Variants in MIR2052HG observed in about 807,000 individuals in gnomAD.
MIR2052HG encodes MIR2052 host gene.
chr8:74,687,457 A>G (rs1393206748), intron 2 of MIR2052HG, among the ~76,000 whole-genome samples: 1 of 152,174 alleles, frequency 6.6e-6, no homozygotes, highest in East Asian at 1.9e-4. Flanking sequence ...GTGTCCAGTG[A>G]CAGATGAATA....
chr8:74,754,975 T>A (rs1809984743), intron 5 of MIR2052HG, among the ~76,000 whole-genome samples: 1 of 152,198 alleles, frequency 6.6e-6, no homozygotes, highest in Non-Finnish European at 1.5e-5. Context: ...GTACGACATG[T>A]TGTGATTACT....
intron 2 of MIR2052HG, among the ~76,000 whole-genome samples, chr8:74,639,519 T>C (rs1340758852): frequency 6.6e-6 from 1 of 152,192 alleles, no homozygotes; most frequent in Non-Finnish European, 1.5e-5. Context: ...ATAGAGTTAT[T>C]ATTTATCTTT....
At chr8:74,648,140 G>A (rs1195456867) in intron 2 of MIR2052HG, among the ~76,000 whole-genome samples, 2 of 152,180 alleles carry the variant, frequency 1.3e-5, no homozygotes, top group Non-Finnish European at 2.9e-5. Context: ...GCTATAGACA[G>A]ATATGTGAGT....
At chr8:74,660,492 A>G in intron 2 of MIR2052HG, among the ~76,000 whole-genome samples, 1 of 152,238 alleles carries the variant, frequency 6.6e-6, no homozygotes, top group Admixed American at 6.5e-5. Context: ...TCAGTGTGCT[A>G]AACACATACT....
Position 74,604,583 on chromosome 8 carries a change from C to CTTTTTTT in MIR2052HG, n.128+4694_128+4700dup, listed in dbSNP as rs35641908. 1.0e-3 allele frequency among the ~76,000 whole-genome samples: 50 copies of CTTTTTTT among 50,006 alleles called. 8 individuals are homozygous for CTTTTTTT. The highest frequency in any genetic ancestry group is 2.1e-3 in the African/African-American group (23 of 11,082). 32.8% of individuals were successfully genotyped at this position (50,006 alleles called of 152,430 possible). ...GCTCTGGGCCGGCCTTGTTTCTTTA[C>CTTTTTTT]TTTTTTTTTTTTTTTTTTTTTTTTT... On this transcript the variant is annotated intron_variant and non_coding_transcript_variant, in intron 1 of 6. Coordinates refer to ENST00000523442, the Ensembl canonical transcript of MIR2052HG.
intron 2 of MIR2052HG, among the ~76,000 whole-genome samples, chr8:74,689,050 GT>G (rs1809212829): frequency 6.6e-6 from 1 of 152,142 alleles, no homozygotes; most frequent in Non-Finnish European, 1.5e-5. Flanking sequence ...GTAAGTGAGA[GT>G]TTTGCTTTTC....
intron 2 of MIR2052HG, among the ~76,000 whole-genome samples, chr8:74,675,673 G>A (rs1350686749): frequency 6.6e-6 from 1 of 151,950 alleles, no homozygotes; most frequent in East Asian, 1.9e-4. Context: ...AAGAATGACA[G>A]TTAAGGTATC....
chr8:74,614,327 G>T (rs971250304), intron 2 of MIR2052HG, among the ~76,000 whole-genome samples: 3 of 151,892 alleles, frequency 2.0e-5, no homozygotes, highest in African/African-American at 7.3e-5. Context: ...TGATCTTTTT[G>T]TCTTTTTTCT....
intron 2 of MIR2052HG, among the ~76,000 whole-genome samples, chr8:74,666,648 C>G (rs879574145): frequency 6.6e-5 from 10 of 152,016 alleles, no homozygotes; most frequent in Non-Finnish European, 1.2e-4. Context: ...AAGTAAATGC[C>G]CAGCATTCTG....
chr8:74,717,976 GT>G (rs1462824661), intron 4 of MIR2052HG, among the ~76,000 whole-genome samples: 1 of 151,926 alleles, frequency 6.6e-6, no homozygotes, highest in Non-Finnish European at 1.5e-5. Flanking sequence ...ATCTTAAAAT[GT>G]TTTCTGCTTC....
At chr8:74,651,616 A>T (rs558067191) in intron 2 of MIR2052HG, among the ~76,000 whole-genome samples, 1 of 152,276 alleles carries the variant, frequency 6.6e-6, no homozygotes, top group East Asian at 1.9e-4. Context: ...TGGTATGGAG[A>T]AATTATTTCT....
rs543924402 is a variant in MIR2052HG at position 74,615,718 on chromosome 8, G to A, written n.216+2778G>A. Among the ~76,000 whole-genome samples, 472 of 151,596 alleles carry A rather than the reference G, an allele frequency of 3.1e-3. 3 individuals carry two copies. Among genetic ancestry groups the A allele is most frequent in the African/African-American group, 0.01 (433 of 41,296 alleles). On this transcript the variant is annotated intron_variant and non_coding_transcript_variant, in intron 2 of 6. Coordinates refer to ENST00000523442, the Ensembl canonical transcript of MIR2052HG. The stretch of plus-strand genomic sequence containing the variant: ...GTTGGTGTGCTGCACCCATTAACTC[G>A]TCATTTAACATTAGGTATATCCCCT...
At chr8:74,643,694 T>C (rs2128735475) in intron 2 of MIR2052HG, among the ~76,000 whole-genome samples, 1 of 152,234 alleles carries the variant, frequency 6.6e-6, no homozygotes, top group Admixed American at 6.5e-5. Flanking sequence ...TTAGAAGCAT[T>C]TTTTTTAAAC....
At chr8:74,621,615 C>T (rs538180485) in intron 2 of MIR2052HG, among the ~76,000 whole-genome samples, 2 of 152,120 alleles carry the variant, frequency 1.3e-5, no homozygotes, top group East Asian at 3.8e-4. Flanking sequence ...GAGACTCACT[C>T]ATTAACAGCA....
chr8:74,612,997 A>G, intron 2 of MIR2052HG: 1 of 450,594 alleles, frequency 2.2e-6, no homozygotes, highest in South Asian at 1.6e-5. Context: ...ATGATAATGG[A>G]CAAACAGCTG....
At chr8:74,745,016 G>C (rs1809869577) in intron 4 of MIR2052HG, among the ~76,000 whole-genome samples, 1 of 152,130 alleles carries the variant, frequency 6.6e-6, no homozygotes, top group South Asian at 2.1e-4. Flanking sequence ...TGTAATCTCA[G>C]CACTGTGAGA....
chr8:74,664,764 C>T (rs1808904287), intron 2 of MIR2052HG, among the ~76,000 whole-genome samples: 1 of 152,162 alleles, frequency 6.6e-6, no homozygotes, highest in Admixed American at 6.5e-5. Flanking sequence ...GTGATTCGCC[C>T]ACCTCAGCCT....
chr8:74,676,604 A>AG, intron 2 of MIR2052HG, among the ~76,000 whole-genome samples: 1 of 152,014 alleles, frequency 6.6e-6, no homozygotes, highest in Non-Finnish European at 1.5e-5. Flanking sequence ...GTACAAAGTA[A>AG]GAGGGTGAAA....
intron 2 of MIR2052HG, among the ~76,000 whole-genome samples, chr8:74,652,198 C>G (rs1808760413): frequency 6.6e-6 from 1 of 152,176 alleles, no homozygotes; most frequent in Non-Finnish European, 1.5e-5. Flanking sequence ...TTAAGGCTGT[C>G]TTACTCAAAG....
Sources: allele counts gnomAD v4.1 joint callset (sites outside exome capture counted in the v4.1 genomes callset), GRCh38; gene constraint gnomAD v4.1.1; transcripts MANE v1.5; gene names NCBI Gene and HGNC (gene_info 2026-07-23, HGNC 2026-07-21).